NYAP2: variants seen among roughly 807,000 people sequenced by gnomAD.
The protein encoded by NYAP2 is neuronal tyrosine-phosphorylated phosphoinositide-3-kinase adapter 2.
In NYAP2, 23 loss-of-function variants were observed where a neutral mutation model predicts 50.4. The observed-to-expected ratio is 0.46, with a 90% CI of 0.33 to 0.65. The LOEUF (loss-of-function observed/expected upper bound fraction) is 0.65. NYAP2 is among the 30% of genes least tolerant of loss of function. The pLI is 0.02. For synonymous variants in NYAP2, 394 were observed against 365.2 expected (o/e 1.08, Z -0.90); for missense variants, 885 against 861.0 (o/e 1.03, Z -0.35).
chr2:225,511,371 C>CAG lies in NYAP2; in HGVS notation c.222-1999_222-1998insGA, dbSNP rs1306124018. Among the ~76,000 whole-genome samples the CAG allele has an allele frequency of 2.5e-3, 315 of 125,170 alleles. 1 individual carries two copies. Among genetic ancestry groups the CAG allele is most frequent in the African/African-American group, 4.9e-3 (150 of 30,618 alleles). The allele number at this position is 125,170 out of a possible 152,430, so 82.1% of individuals were successfully genotyped here. On this transcript the variant is annotated intron_variant, in intron 3 of 6. Transcript: ENST00000636099. The stretch of plus-strand genomic sequence containing the variant: ...ACACACACACACACACACACACACA[C>CAG]ACAGAGAGAGAGAGAGAGAGAGGAT...
chr2:225,688,014 T>C, the NYAP2 span, among the ~76,000 whole-genome samples: 3 of 152,172 alleles, frequency 2.0e-5, no homozygotes, highest in Non-Finnish European at 4.4e-5. Context: ...TTCTCTGACA[T>C]TGGTGCCTAA....
intron 5 of NYAP2, among the ~76,000 whole-genome samples, chr2:225,604,382 G>C (rs1026651078): frequency 3.3e-5 from 5 of 152,096 alleles, no homozygotes; most frequent in African/African-American, 9.7e-5. Context: ...ATGCGTTACA[G>C]CTGGGGCTCA....
chr2:225,580,966 T>C (rs1692260691), intron 4 of NYAP2, among the ~76,000 whole-genome samples: 1 of 152,198 alleles, frequency 6.6e-6, no homozygotes, highest in Non-Finnish European at 1.5e-5. Context: ...CACAATGAGA[T>C]AATGAGATAA....
chr2:225,698,023 A>T, the NYAP2 span, among the ~76,000 whole-genome samples: 10 of 151,728 alleles, frequency 6.6e-5, no homozygotes, highest in South Asian at 2.1e-4. Flanking sequence ...AATTTTTTTT[A>T]AAAAATTAGC....
intron 5 of NYAP2, among the ~76,000 whole-genome samples, chr2:225,597,840 G>A (rs1363297744): frequency 6.6e-6 from 1 of 151,734 alleles, no homozygotes; most frequent in African/African-American, 2.4e-5. Context: ...CAACTATAAA[G>A]GGTGATTGTT....
intron 5 of NYAP2, among the ~76,000 whole-genome samples, chr2:225,625,944 A>T (rs1351074210): frequency 6.6e-6 from 1 of 152,234 alleles, no homozygotes; most frequent in East Asian, 1.9e-4. Context: ...AACCAGAGCC[A>T]TTGAGGTAGA....
chr2:225,655,154 C>T (rs1693802540), downstream of NYAP2, among the ~76,000 whole-genome samples: 1 of 152,146 alleles, frequency 6.6e-6, no homozygotes, highest in African/African-American at 2.4e-5. Context: ...GACACACGAT[C>T]TGTAGAAATG....
At chr2:225,405,645 T>G (rs1388899501) in intron 2 of NYAP2, among the ~76,000 whole-genome samples, 1 of 151,992 alleles carries the variant, frequency 6.6e-6, no homozygotes, top group African/African-American at 2.4e-5. Context: ...TTTTCTCTAG[T>G]GAGGCCATGA....
At chr2:225,681,135 T>C in the NYAP2 span, among the ~76,000 whole-genome samples, 2 of 152,206 alleles carry the variant, frequency 1.3e-5, no homozygotes, top group Admixed American at 6.6e-5. Flanking sequence ...GTTTTCCTGG[T>C]TGATGGATGT....
At chr2:225,662,206 C>G in the NYAP2 span, among the ~76,000 whole-genome samples, 1 of 152,212 alleles carries the variant, frequency 6.6e-6, no homozygotes, top group Non-Finnish European at 1.5e-5. Flanking sequence ...CCAAAGTTGA[C>G]ATGAGGTTGG....
chr2:225,655,164 G>A (rs79524159), downstream of NYAP2, among the ~76,000 whole-genome samples: 3,808 of 152,250 alleles, frequency 0.025, 177 homozygotes, highest in African/African-American at 0.087. Context: ...CTGTAGAAAT[G>A]TATAATTGTA....
At chr2:225,546,294 G>A (rs1333295422) in intron 4 of NYAP2, among the ~76,000 whole-genome samples, 1 of 152,194 alleles carries the variant, frequency 6.6e-6, no homozygotes, top group Non-Finnish European at 1.5e-5. Context: ...TGGGCCCCAT[G>A]TGAATCAAGA....
At chr2:225,599,043 C>G (rs1407281585) in intron 5 of NYAP2, among the ~76,000 whole-genome samples, 1 of 152,150 alleles carries the variant, frequency 6.6e-6, no homozygotes, top group Non-Finnish European at 1.5e-5. Flanking sequence ...CAGCTTCCTT[C>G]CCCCACACCT....
Position 225,651,366 on chromosome 2 carries a change from G to T in NYAP2, c.1829-66G>T, listed in dbSNP as rs1693729057. On this transcript the variant is annotated intron_variant, in intron 6 of 6. Coordinates refer to ENST00000636099, the Ensembl canonical transcript of NYAP2. ...AAGTAGCGAAACAAACAGAAAGACT[G>T]AAAAGCCACTTCATTATTCCAGATG... 6.2e-6 allele frequency: 10 copies of T among 1,602,134 alleles called. No homozygotes were observed. The South Asian group carries it at 6.6e-5, about 11-fold the overall frequency.
At chr2:225,661,194 C>G in the NYAP2 span, among the ~76,000 whole-genome samples, 1 of 152,154 alleles carries the variant, frequency 6.6e-6, no homozygotes, top group Non-Finnish European at 1.5e-5. Flanking sequence ...GTAAATTTAC[C>G]TCCAACTTAA....
intron 4 of NYAP2, among the ~76,000 whole-genome samples, chr2:225,514,540 C>T (rs1334758446): frequency 6.6e-6 from 1 of 152,144 alleles, no homozygotes; most frequent in African/African-American, 2.4e-5. Flanking sequence ...TCCTTGTATC[C>T]TCAAAGGGCA....
rs1407689707 is a variant in NYAP2, at chr2:225,652,359, G to A, written c.*794G>A. 23 of 152,150 alleles carry A rather than the reference G, an allele frequency of 1.5e-4. No homozygotes were observed. In the East Asian group the frequency reaches 4.4e-3, roughly 29 times the overall value. 9.4% of individuals were successfully genotyped at this position (152,150 alleles called of 1,614,324 possible). On this transcript the variant is annotated 3_prime_UTR_variant, in exon 7 of 7. Transcript: ENST00000636099. ...GTAAGTGTTCATGCATGGTAAATGA[G>A]ATCTCAATTATCACTTGGAGAAAAG...
intron 3 of NYAP2, among the ~76,000 whole-genome samples, chr2:225,447,547 A>G (rs1179284955): frequency 1.3e-5 from 2 of 152,182 alleles, no homozygotes; most frequent in Non-Finnish European, 2.9e-5. Context: ...TACTAGCACC[A>G]AAAAGGAAAT....
At chr2:225,570,990 G>A (rs184880769) in intron 4 of NYAP2, among the ~76,000 whole-genome samples, 2 of 152,284 alleles carry the variant, frequency 1.3e-5, no homozygotes, top group African/African-American at 4.8e-5. Context: ...CAAAACAAAG[G>A]GGCTACAGGC....
Sources: gnomAD v4.1 joint callset for allele counts (sites outside exome capture counted in the v4.1 genomes callset) on GRCh38, gnomAD v4.1.1 for gene constraint, MANE v1.5 for transcripts, NCBI Gene and HGNC (gene_info 2026-07-23, HGNC 2026-07-21) for gene names.